The following PDZD2 variants were observed in gnomAD, a reference collection of about 807,000 sequenced individuals.
PDZD2 encodes PDZ domain-containing protein 2.
In PDZD2, 90 loss-of-function variants were observed where a neutral mutation model predicts 220.7. The observed-to-expected ratio is 0.41, with a 90% CI of 0.34 to 0.49. The LOEUF (loss-of-function observed/expected upper bound fraction) is 0.49. Among genes scored for constraint, PDZD2 ranks in the 20% least tolerant of loss-of-function variants. PDZD2 has a pLI of 0.28. For synonymous variants in PDZD2, 1,375 were observed against 1,450.5 expected (o/e 0.95, Z 1.18); for missense variants, 3,174 against 3,608.5 (o/e 0.88, Z 3.08).
At chr5:31,733,641 G>A (rs1749667351) in intron 1 of PDZD2, among the ~76,000 whole-genome samples, 1 of 152,182 alleles carries the variant, frequency 6.6e-6, no homozygotes, top group South Asian at 2.1e-4. Context: ...TTGCCTTCTG[G>A]TGGCCGTCTT....
intron 18 of PDZD2, among the ~76,000 whole-genome samples, chr5:32,076,288 G>GAAAAAAAAAAAAAAAAA (rs67898034): frequency 3.4e-5 from 3 of 87,930 alleles, no homozygotes; most frequent in Non-Finnish European, 6.8e-5. Context: ...TCGGTCTCAA[G>GAAAAAAAAAAAAAAAAA]AAAAAAAAAA....
intron 2 of PDZD2, among the ~76,000 whole-genome samples, chr5:31,942,931 G>A (rs922741299): frequency 2.0e-5 from 3 of 152,168 alleles, no homozygotes; most frequent in South Asian, 4.2e-4. Context: ...GGCCGGGCAC[G>A]GTGACTCACG....
chr5:32,089,476 G>C lies in PDZD2; in HGVS notation c.6028G>C (p.Asp2010His), dbSNP rs201168802. 3 of 1,613,552 alleles carry C rather than the reference G, an allele frequency of 1.9e-6. No homozygotes were observed. The highest frequency in any genetic ancestry group is 2.2e-5 in the East Asian group (1 of 44,862). ...RFHMAVLSEP[D>H]RGCPTTPKSP... ...CCACATGGCTGTCCTCTCTGAACCCGACAGAGGTTGCCCAACCACCCCTAA... is the reference window on the plus strand; with the variant it reads ...CCACATGGCTGTCCTCTCTGAACCCCACAGAGGTTGCCCAACCACCCCTAA... Residue 2010 changes from aspartate (D) to histidine (H), a missense_variant, in exon 20 of 25, where the codon GAC becomes CAC. This residue lies in a region of PDZD2 where 1,861 missense variants were observed against 2,001.0 expected (regional missense o/e 0.93). Transcript: ENST00000438447.
chr5:31,789,833 A>T (rs985359636), intron 1 of PDZD2, among the ~76,000 whole-genome samples: 2 of 152,060 alleles, frequency 1.3e-5, no homozygotes. Context: ...CAAGAAAATC[A>T]CTTGAACCTG....
chr5:32,033,109 A>G (rs1755249293), intron 6 of PDZD2, among the ~76,000 whole-genome samples: 1 of 152,256 alleles, frequency 6.6e-6, no homozygotes. Flanking sequence ...GAAACTGCTC[A>G]TGAATAATAG....
In PDZD2 at chr5:32,104,971, C is replaced by CA. The variant is rs1744620204; in HGVS notation, c.8354-2992dup. 2.6e-5 allele frequency among the ~76,000 whole-genome samples: 4 copies of CA among 151,688 alleles called. No homozygotes were observed. The South Asian group carries it at 8.3e-4, about 31-fold the overall frequency. On this transcript the variant is annotated intron_variant, in intron 24 of 24. Coordinates refer to ENST00000438447, the MANE Select transcript of PDZD2 (RefSeq NM_178140.4). ...GCCACATGACGAGACTCCACCTCTA[C>CA]AAAAAATACAGAAATTACTCGGGTG... is the stretch of plus-strand genomic sequence containing the variant.
chr5:32,016,552 A>G (rs913977970), intron 6 of PDZD2, among the ~76,000 whole-genome samples: 1 of 152,180 alleles, frequency 6.6e-6, no homozygotes, highest in African/African-American at 2.4e-5. Flanking sequence ...GGAGCTCTGC[A>G]TCTATGGGGA....
intron 1 of PDZD2, among the ~76,000 whole-genome samples, chr5:31,760,300 T>G (rs1751552807): frequency 6.6e-6 from 1 of 152,222 alleles, no homozygotes; most frequent in East Asian, 1.9e-4. Context: ...ACATAGTTTC[T>G]GGCATGAAAT....
At chr5:31,850,226 G>GCA (rs1554082930) in intron 2 of PDZD2, among the ~76,000 whole-genome samples, 4,063 of 101,046 alleles carry the variant, frequency 0.04, 134 homozygotes, top group Non-Finnish European at 0.059. Context: ...ATATATATAA[G>GCA]TATATATATA....
chr5:31,962,741 T>C (rs1448107421), intron 2 of PDZD2, among the ~76,000 whole-genome samples: 8 of 152,208 alleles, frequency 5.3e-5, no homozygotes. Flanking sequence ...AGAGTATTTG[T>C]GAGTCTCAAG....
intron 13 of PDZD2, among the ~76,000 whole-genome samples, chr5:32,060,529 G>A (rs1347537978): frequency 2.6e-5 from 4 of 152,208 alleles, no homozygotes; most frequent in Non-Finnish European, 5.9e-5. Flanking sequence ...AGAGAGAACT[G>A]CTGGTGGTCG....
At position 31,729,150 on chromosome 5, in the gene PDZD2, C is replaced by T. The variant is rs542020717; in HGVS notation, c.-360-69739C>T. Among the ~76,000 whole-genome samples the T allele has an allele frequency of 2.3e-3, 306 of 134,290 alleles. 5 individuals are homozygous for T. Among genetic ancestry groups the T allele is most frequent in the African/African-American group, 8.3e-3 (296 of 35,504 alleles). 88.1% of individuals were successfully genotyped at this position (134,290 alleles called of 152,430 possible). ...CAGAGTTTCAGTCTTGTTGCCCAGG[C>T]TGGAGTGCAATGGTGCGATCTCGGC... On this transcript the variant is annotated intron_variant, in intron 1 of 24. Coordinates refer to ENST00000438447, the MANE Select transcript of PDZD2 (RefSeq NM_178140.4).
intron 2 of PDZD2, among the ~76,000 whole-genome samples, chr5:31,910,846 C>T (rs190534362): frequency 1.2e-4 from 18 of 152,148 alleles, no homozygotes; most frequent in Non-Finnish European, 8.8e-5. Context: ...TGCTTTTAAC[C>T]GCCATGCTAC....
At chr5:31,662,882 G>GCTCA (rs1158773273) in intron 1 of PDZD2, among the ~76,000 whole-genome samples, 5 of 152,172 alleles carry the variant, frequency 3.3e-5, no homozygotes, top group African/African-American at 9.7e-5. Context: ...CACCCGCTGT[G>GCTCA]GCCTCCCAAA....
At chr5:32,044,457 A>C (rs576806439) in intron 7 of PDZD2, among the ~76,000 whole-genome samples, 85 of 152,292 alleles carry the variant, frequency 5.6e-4, no homozygotes, top group African/African-American at 2.0e-3. Flanking sequence ...TCTGGATCTC[A>C]AGGATGCAAG....
chr5:31,903,450 C>T (rs1039106884), intron 2 of PDZD2, among the ~76,000 whole-genome samples: 14 of 151,410 alleles, frequency 9.2e-5, no homozygotes, highest in South Asian at 2.1e-4. Context: ...AGTTTGAGAC[C>T]GACCTGGGCA....
At chr5:31,880,797 T>TTCTTTTTC (rs796363519) in intron 2 of PDZD2, among the ~76,000 whole-genome samples, 2 of 97,196 alleles carry the variant, frequency 2.1e-5, no homozygotes, top group African/African-American at 8.1e-5. Context: ...TTTTCTTTTT[T>TTCTTTTTC]TTTTTTTTTT....
Position 31,849,893 on chromosome 5 carries a change from T to C in PDZD2, c.476+50169T>C, listed in dbSNP as rs1052530432. ...ATACATATATATATATATATACACA[T>C]ATATATATATACATATATATATATA... On this transcript the variant is annotated intron_variant, in intron 2 of 24. Transcript: ENST00000438447. Among the ~76,000 whole-genome samples the C allele has an allele frequency of 6.0e-3, 171 of 28,446 alleles. 6 individuals are homozygous for C. The highest frequency in any genetic ancestry group is 0.022 in the Middle Eastern group (1 of 46). The allele number at this position is 28,446 out of a possible 152,430, so 18.7% of individuals were successfully genotyped here.
chr5:31,872,331 A>G (rs1035699222), intron 2 of PDZD2, among the ~76,000 whole-genome samples: 1 of 152,134 alleles, frequency 6.6e-6, no homozygotes, highest in Admixed American at 6.6e-5. Context: ...AATCATGGGT[A>G]CAGGAAGGAC....
Sources: allele counts gnomAD v4.1 joint callset (sites outside exome capture counted in the v4.1 genomes callset), GRCh38; gene constraint gnomAD v4.1.1; regional missense constraint gnomAD v4.1.1; transcripts MANE v1.5; gene names NCBI Gene and HGNC (gene_info 2026-07-23, HGNC 2026-07-21).